The following ABI3BP variants were observed in gnomAD, a reference collection of about 807,000 sequenced individuals.
The protein encoded by ABI3BP is target of Nesh-SH3.
Under a neutral mutation model 268.6 loss-of-function variants are expected in ABI3BP, and 216 were observed. The observed-to-expected ratio is 0.80, with a 90% CI of 0.72 to 0.90. ABI3BP has a LOEUF of 0.90. Ranked by LOEUF, ABI3BP falls within the 40% of genes least tolerant of loss-of-function variation. ABI3BP has a pLI of 0.00. For synonymous variants in ABI3BP, 730 were observed against 730.0 expected (o/e 1.00, Z 0.00); for missense variants, 2,090 against 2,182.4 (o/e 0.96, Z 0.84).
intron 60 of ABI3BP, 51 bp downstream of exon 60, chr3:100,775,156 C>A: frequency 3.1e-6 from 5 of 1,587,942 alleles, no homozygotes; most frequent in African/African-American, 1.4e-5. Flanking sequence ...CATTTAAAAT[C>A]TTTTGCACCT....
At position 100,770,969 on chromosome 3, in the gene ABI3BP, C is replaced by G; in HGVS notation, c.4532-17G>C. ...CATGAGGTCCTACGAGAGAGAGGAC[C>G]CTTGACATTTAACATTTTTGAAACT... On this transcript the variant is annotated splice_polypyrimidine_tract_variant and intron_variant, in intron 61 of 67. Coordinates refer to ENST00000471714, the MANE Select transcript of ABI3BP (RefSeq NM_001375547.2). 3 of 1,491,330 alleles carry G rather than the reference C, an allele frequency of 2.0e-6. No homozygotes were observed. The highest frequency in any genetic ancestry group is 2.7e-6 in the Non-Finnish European group (3 of 1,115,170). 92.4% of individuals were successfully genotyped at this position (1,491,330 alleles called of 1,614,324 possible). A position where few individuals can be genotyped will look rare whatever the true frequency, so the allele number is the denominator to read the frequency against.
In ABI3BP at chr3:100,902,735, T is replaced by G. The variant is rs78181063; in HGVS notation, c.260-49A>C. 4.9e-3 allele frequency: 7,373 copies of G among 1,514,988 alleles called. 287 individuals carry two copies. In the African/African-American group the frequency reaches 0.086, roughly 18 times the overall value. The allele number at this position is 1,514,988 out of a possible 1,614,324, so 93.8% of individuals were successfully genotyped here. A position where few individuals can be genotyped will look rare whatever the true frequency, so the allele number is the denominator to read the frequency against. Reference sequence around the variant, plus strand: ...CAGAAAAACCCTTTGAGAACCAGCATTGGAGGCAGCACACCCCTACCCTGA... The same window carrying G: ...CAGAAAAACCCTTTGAGAACCAGCAGTGGAGGCAGCACACCCCTACCCTGA... On this transcript the variant is annotated intron_variant, in intron 2 of 67. Coordinates refer to ENST00000471714, the MANE Select transcript of ABI3BP (RefSeq NM_001375547.2).
chr3:100,884,340 T>G (rs1460950467), intron 6 of ABI3BP, among the ~76,000 whole-genome samples: 2 of 152,100 alleles, frequency 1.3e-5, no homozygotes, highest in Non-Finnish European at 2.9e-5. Flanking sequence ...TGTATTTATA[T>G]CTGAAATACA....
Position 100,774,762 on chromosome 3 carries a change from ATTTC to A in ABI3BP, c.4463-93_4463-90del, listed in dbSNP as rs1163976224. On this transcript the variant is annotated intron_variant, in intron 60 of 67. Coordinates refer to ENST00000471714, the MANE Select transcript of ABI3BP (RefSeq NM_001375547.2). The stretch of plus-strand genomic sequence containing the variant: ...AAGTTGTAGACTAAAGATATTCAAT[ATTTC>A]TTCTTGTAAACTGCTTGCAGTTTTG... 15 of 1,044,564 alleles carry A rather than the reference ATTTC, an allele frequency of 1.4e-5. No individual in the cohort carries two copies. The African/African-American group carries it at 1.8e-4, about 12-fold the overall frequency. The allele number at this position is 1,044,564 out of a possible 1,614,324, so 64.7% of individuals were successfully genotyped here. A position where few individuals can be genotyped will look rare whatever the true frequency, so the allele number is the denominator to read the frequency against.
chr3:100,879,575 A>G (rs2099204646), intron 6 of ABI3BP, among the ~76,000 whole-genome samples: 1 of 152,240 alleles, frequency 6.6e-6, no homozygotes, highest in Non-Finnish European at 1.5e-5. Context: ...TGACAAGGAC[A>G]AATGGAAAAT....
intron 1 of ABI3BP, among the ~76,000 whole-genome samples, chr3:100,983,006 G>A (rs1393720141): frequency 6.6e-6 from 1 of 152,172 alleles, no homozygotes; most frequent in Non-Finnish European, 1.5e-5. Context: ...GAGAAGCAAG[G>A]CCTGTTAGGT....
chr3:100,886,229 G>A lies in ABI3BP; in HGVS notation c.556C>T (p.Pro186Ser), dbSNP rs779544753. Residue 186 changes from proline (P) to serine (S), a missense_variant, in exon 5 of 68, where the codon CCC (proline) becomes TCC (serine). By Grantham distance (74) the Pro-to-Ser change is moderately conservative. Transcript: ENST00000471714. ...ACTCCAAATTCATAAACTGTGTTGGGCTTTAGGTTTTCCACAATTGTTTCA... is the reference window on the plus strand; with the variant it reads ...ACTCCAAATTCATAAACTGTGTTGGACTTTAGGTTTTCCACAATTGTTTCA... The part of the protein sequence containing the change: ...ATETIVENLK[P>S]NTVYEFGVKD... The A allele has an allele frequency of 6.2e-7, 1 of 1,610,976 alleles. No homozygotes were observed. Among genetic ancestry groups the A allele is most frequent in the African/African-American group, 1.3e-5 (1 of 74,844 alleles).
At chr3:100,853,471 A>C (rs1024809507) in intron 14 of ABI3BP, among the ~76,000 whole-genome samples, 1 of 152,188 alleles carries the variant, frequency 6.6e-6, no homozygotes, top group African/African-American at 2.4e-5. Flanking sequence ...AACTTTGCCA[A>C]CTTGTATTTA....
At position 100,780,161 on chromosome 3, in the gene ABI3BP, A is replaced by T. The variant is rs1392720313; in HGVS notation, c.4211T>A (p.Val1404Glu). Reference sequence around the variant, plus strand: ...CTTTTTAGTGGGGTGGGTAGAGTCCACTGATACATTTCTATCAGCACCTGA... The same window carrying T: ...CTTTTTAGTGGGGTGGGTAGAGTCCTCTGATACATTTCTATCAGCACCTGA... ...RPSGADRNVS[V>E]DSTHPTKKPG... is the part of the protein sequence containing the mutation. Residue 1404 changes from valine to glutamate, a missense_variant, in exon 58 of 68, where the codon GTG (valine) becomes GAG (glutamate). By Grantham distance (121) the Val-to-Glu change is moderately radical. Coordinates refer to ENST00000471714, the MANE Select transcript of ABI3BP (RefSeq NM_001375547.2). 1.9e-6 allele frequency: 3 copies of T among 1,613,030 alleles called. No homozygotes were observed.
intron 21 of ABI3BP, among the ~76,000 whole-genome samples, chr3:100,841,290 T>A (rs2098698825): frequency 6.8e-6 from 1 of 146,990 alleles, no homozygotes; most frequent in East Asian, 2.0e-4. Context: ...TCTCTTTGAG[T>A]GGATTTCCTA....
At chr3:100,828,828 G>A (rs2098435763) in intron 33 of ABI3BP, among the ~76,000 whole-genome samples, 1 of 152,146 alleles carries the variant, frequency 6.6e-6, no homozygotes, top group African/African-American at 2.4e-5. Context: ...AAGAGGACAA[G>A]AAGAGGGCCA....
intron 2 of ABI3BP, among the ~76,000 whole-genome samples, chr3:100,921,481 T>C (rs1205121414): frequency 6.6e-6 from 1 of 151,526 alleles, no homozygotes; most frequent in African/African-American, 2.4e-5. Context: ...AAACTTAAAA[T>C]GTTAACCAGG....
chr3:100,797,170 T>C (rs1452268988), intron 51 of ABI3BP, among the ~76,000 whole-genome samples: 1 of 152,102 alleles, frequency 6.6e-6, no homozygotes, highest in African/African-American at 2.4e-5. Context: ...AAATGTCAGC[T>C]GAACAATAGG....
intron 57 of ABI3BP, among the ~76,000 whole-genome samples, chr3:100,784,372 AACAATAG>A: frequency 6.6e-6 from 1 of 152,260 alleles, no homozygotes. Flanking sequence ...AAAGTCAAAA[AACAATAG>A]ATGAGATGGC....
chr3:100,834,371 G>GCTAACTAAATA (rs2098543474), intron 29 of ABI3BP, among the ~76,000 whole-genome samples: 1 of 152,092 alleles, frequency 6.6e-6, no homozygotes, highest in Non-Finnish European at 1.5e-5. Flanking sequence ...TTCAAAATGT[G>GCTAACTAAATA]TGACAGGTTG....
chr3:100,810,927 C>G (rs78512356), intron 48 of ABI3BP, among the ~76,000 whole-genome samples: 3,466 of 152,136 alleles, frequency 0.023, 138 homozygotes, highest in African/African-American at 0.079. Flanking sequence ...AAAGCATTAT[C>G]TGAAACATTC....
At chr3:100,820,994 T>C (rs1274626582) in intron 39 of ABI3BP, 60 bp downstream of exon 39, 2 of 1,367,404 alleles carry the variant, frequency 1.5e-6, no homozygotes, top group Non-Finnish European at 2.0e-6. Context: ...GCTATGATGA[T>C]GGAATGGGTT....
intron 8 of ABI3BP, 143 bp from the exon 9 acceptor site, chr3:100,875,076 G>A: frequency 5.8e-6 from 3 of 517,570 alleles, no homozygotes; most frequent in East Asian, 6.2e-5. Context: ...TTAAAACATT[G>A]GAAAAAATAT....
At chr3:100,854,183 T>C (rs1418739291) in intron 14 of ABI3BP, among the ~76,000 whole-genome samples, 5 of 120,578 alleles carry the variant, frequency 4.1e-5, no homozygotes, top group Non-Finnish European at 6.9e-5. Context: ...AAGCCCTGTC[T>C]CTACTAAAAA....
Sources: allele counts gnomAD v4.1 joint callset (sites outside exome capture counted in the v4.1 genomes callset), GRCh38; gene constraint gnomAD v4.1.1; transcripts MANE v1.5; gene names NCBI Gene and HGNC (gene_info 2026-07-23, HGNC 2026-07-21).